The following CAMTA1 variants were observed in gnomAD, a reference collection of about 807,000 sequenced individuals.
The protein encoded by CAMTA1 is calmodulin binding transcription activator 1.
In CAMTA1, 27 loss-of-function variants were observed where a neutral mutation model predicts 170.9. The observed-to-expected ratio is 0.16, with a 90% CI of 0.12 to 0.22. CAMTA1 has a LOEUF of 0.22. Among genes scored for constraint, CAMTA1 ranks in the 10% least tolerant of loss-of-function variants. The pLI, the probability that CAMTA1 is intolerant of heterozygous loss-of-function variation, is 1.00. For synonymous variants in CAMTA1, 833 were observed against 891.5 expected, an observed-to-expected ratio of 0.93 and a Z score of 1.17; for missense variants, 1,619 against 2,217.2, an observed-to-expected ratio of 0.73 and a Z score of 5.42.
intron 4 of CAMTA1, among the ~76,000 whole-genome samples, chr1:7,159,746 CTG>C (rs1475836835): frequency 2.0e-5 from 3 of 152,030 alleles, no homozygotes; most frequent in African/African-American, 7.2e-5. Flanking sequence ...TGGGGTCTTG[CTG>C]TGTTGCACAG....
chr1:6,898,632 A>G lies in CAMTA1; in HGVS notation c.234+73422A>G, dbSNP rs573472369. 1.4e-4 allele frequency among the ~76,000 whole-genome samples: 21 copies of G among 152,354 alleles called. 2 individuals are homozygous for G. In the South Asian group the frequency reaches 4.1e-3, roughly 30 times the overall value. On this transcript the variant is annotated intron_variant, in intron 3 of 22. Transcript: ENST00000303635. ...GTTATAGTTCATAGAGTGTGAGAGA[A>G]TGGGCTCATAATGGAACAGTTATCC... is the stretch of plus-strand genomic sequence containing the variant.
At chr1:6,858,121 T>A (rs1571012946) in intron 3 of CAMTA1, among the ~76,000 whole-genome samples, 1 of 152,362 alleles carries the variant, frequency 6.6e-6, no homozygotes, top group Middle Eastern at 3.4e-3. Context: ...AGGCCAGTCA[T>A]AAATGAAGAC....
chr1:6,955,361 C>G (rs1689274302), intron 3 of CAMTA1, among the ~76,000 whole-genome samples: 1 of 152,194 alleles, frequency 6.6e-6, no homozygotes, highest in Admixed American at 6.5e-5. Flanking sequence ...AAGCTAGGGG[C>G]TGCAGTGGGT....
rs1214202804 is a variant in CAMTA1 at position 6,849,056 on chromosome 1, G to A, written c.234+23846G>A. 2.6e-5 allele frequency among the ~76,000 whole-genome samples: 4 copies of A among 152,172 alleles called. No homozygotes were observed. The East Asian group carries it at 7.7e-4, about 29-fold the overall frequency. ...TCTTTGAGTTCTTTTGGGAGGCTCTGCTTTTAGGCAGATAAGGGGTTTCAG... is the reference window on the plus strand; with the variant it reads ...TCTTTGAGTTCTTTTGGGAGGCTCTACTTTTAGGCAGATAAGGGGTTTCAG... On this transcript the variant is annotated intron_variant, in intron 3 of 22. Transcript: ENST00000303635.
chr1:6,949,009 C>T (rs1237409220), intron 3 of CAMTA1, among the ~76,000 whole-genome samples: 1 of 152,144 alleles, frequency 6.6e-6, no homozygotes. Context: ...GGATAATCTT[C>T]CAGGGAAAAG....
chr1:7,281,594 G>A (rs1671513511), intron 5 of CAMTA1, among the ~76,000 whole-genome samples: 1 of 152,216 alleles, frequency 6.6e-6, no homozygotes, highest in South Asian at 2.1e-4. Context: ...AATAGTTTTA[G>A]ATTAATGCAG....
At chr1:7,129,693 G>C (rs1341709478) in intron 4 of CAMTA1, among the ~76,000 whole-genome samples, 1 of 152,092 alleles carries the variant, frequency 6.6e-6, no homozygotes, top group African/African-American at 2.4e-5. Context: ...AATTTGATGA[G>C]TTTTGACATC....
intron 5 of CAMTA1, among the ~76,000 whole-genome samples, chr1:7,341,898 T>G (rs955858283): frequency 2.6e-5 from 4 of 151,946 alleles, no homozygotes; most frequent in Non-Finnish European, 5.9e-5. Context: ...CCTCGCCTCC[T>G]CCCCCACCAG....
intron 11 of CAMTA1, among the ~76,000 whole-genome samples, chr1:7,719,030 G>A (rs2096632378): frequency 6.6e-6 from 1 of 152,082 alleles, no homozygotes; most frequent in African/African-American, 2.4e-5. Context: ...GTTGCTTTCT[G>A]CAAAGTTAGC....
intron 10 of CAMTA1, among the ~76,000 whole-genome samples, chr1:7,671,516 C>T (rs988930146): frequency 5.9e-5 from 9 of 152,316 alleles, no homozygotes; most frequent in African/African-American, 9.6e-5. Flanking sequence ...TCCATCCTCC[C>T]GAGGGCCCTG....
At chr1:7,139,318 A>G (rs1474989159) in intron 4 of CAMTA1, among the ~76,000 whole-genome samples, 1 of 110,826 alleles carries the variant, frequency 9.0e-6, no homozygotes, top group African/African-American at 3.0e-5. Context: ...ATATATATTT[A>G]TATTATAAAT....
At chr1:7,449,162 G>A (rs1355851241) in intron 5 of CAMTA1, among the ~76,000 whole-genome samples, 1 of 152,228 alleles carries the variant, frequency 6.6e-6, no homozygotes, top group Non-Finnish European at 1.5e-5. Context: ...CTGGGAGCAT[G>A]GGCTGTGTCT....
chr1:7,646,553 T>C (rs2095806849), intron 7 of CAMTA1, among the ~76,000 whole-genome samples: 1 of 133,394 alleles, frequency 7.5e-6, no homozygotes, highest in African/African-American at 2.9e-5. Flanking sequence ...GTGGAGGCTG[T>C]GGTGAGTTGG....
intron 22 of CAMTA1, among the ~76,000 whole-genome samples, chr1:7,765,940 T>C (rs1234535155): frequency 2.0e-5 from 3 of 151,568 alleles, no homozygotes; most frequent in Admixed American, 2.0e-4. Flanking sequence ...GGCAGGAGAA[T>C]TGCGTGAACC....
At chr1:7,336,119 T>C (rs2083369104) in intron 5 of CAMTA1, among the ~76,000 whole-genome samples, 1 of 152,162 alleles carries the variant, frequency 6.6e-6, no homozygotes, top group South Asian at 2.1e-4. Context: ...TGCCTGGCCA[T>C]GGCCTGCCTG....
intron 6 of CAMTA1, among the ~76,000 whole-genome samples, chr1:7,624,515 T>C (rs1237187372): frequency 6.6e-6 from 1 of 152,212 alleles, no homozygotes; most frequent in South Asian, 2.1e-4. Context: ...GCCCTTGCCA[T>C]GTCCTTCACT....
intron 6 of CAMTA1, among the ~76,000 whole-genome samples, chr1:7,485,170 A>G (rs938122420): frequency 3.9e-5 from 6 of 152,104 alleles, no homozygotes; most frequent in Admixed American, 2.0e-4. Flanking sequence ...TTCCTGGCCA[A>G]TGGCCTCCCT....
intron 1 of CAMTA1, among the ~76,000 whole-genome samples, chr1:6,789,219 C>A (rs545777782): frequency 2.4e-4 from 36 of 151,164 alleles, no homozygotes; most frequent in Non-Finnish European, 4.6e-4. Flanking sequence ...GTTGCTCTTA[C>A]TTGCTCTTTG....
At chr1:7,311,759 A>C (rs1676760419) in intron 5 of CAMTA1, among the ~76,000 whole-genome samples, 1 of 152,140 alleles carries the variant, frequency 6.6e-6, no homozygotes, top group South Asian at 2.1e-4. Context: ...TTCAGGCTGC[A>C]GGTTTCAGCC....
Sources: allele counts gnomAD v4.1 joint callset (sites outside exome capture counted in the v4.1 genomes callset), GRCh38; gene constraint gnomAD v4.1.1; transcripts MANE v1.5; gene names NCBI Gene and HGNC (gene_info 2026-07-23, HGNC 2026-07-21).